The following TMEM39A variants were observed in gnomAD, a reference collection of about 807,000 sequenced individuals.
TMEM39A encodes the protein transmembrane protein 39A.
TMEM39A carries 19 observed loss-of-function variants against 51.9 expected under a neutral mutation model. The ratio of observed to expected loss-of-function variants is 0.37; its 90% CI spans 0.26 to 0.54. The LOEUF is 0.54. TMEM39A is among the 20% of genes least tolerant of loss of function. The pLI, the probability that TMEM39A is intolerant of heterozygous loss-of-function variation, is 0.88. For missense variants in TMEM39A, 433 were observed against 590.5 expected, an observed-to-expected ratio of 0.73 and a Z score of 2.76; for synonymous variants, 197 against 220.2, an observed-to-expected ratio of 0.89 and a Z score of 0.93.
intron 3 of TMEM39A, among the ~76,000 whole-genome samples, chr3:119,453,975 TGA>T (rs1433709370): frequency 1.3e-5 from 2 of 152,178 alleles, no homozygotes; most frequent in Non-Finnish European, 2.9e-5. Flanking sequence ...AGGCTATCTC[TGA>T]GAGGATGGCA....
In TMEM39A at chr3:119,437,845, T is replaced by C; in HGVS notation, c.834A>G (p.Lys278=). The C allele has an allele frequency of 6.2e-7, 1 of 1,610,374 alleles. No individual in the cohort carries two copies. The highest frequency in any genetic ancestry group is 8.5e-7 in the Non-Finnish European group (1 of 1,176,814). Residue 278 remains lysine (K), a synonymous_variant, in exon 6 of 9, where the codon AAA becomes AAG. Coordinates refer to ENST00000319172, the MANE Select transcript of TMEM39A (RefSeq NM_018266.3). ...DLIRNEVECL[K]ADFNHRIKEV... is the part of the protein sequence containing the mutation. ...CCTTGATTCTGTGGTTGAAATCTGC[T>C]TTCAGACATTCTACTTCATTGCGAA...
At position 119,431,371 on chromosome 3, in the gene TMEM39A, T is replaced by G. The variant is rs1014743939; in HGVS notation, c.*610A>C. On this transcript the variant is annotated 3_prime_UTR_variant, in exon 9 of 9. Transcript: ENST00000319172. ...CACAGGAAAAGTGGCAGCAAAACCC[T>G]CAGCCTCAGGATAGTAGCTTATTCA... 6.6e-6 allele frequency: 1 copy of G among 152,186 alleles called. No individual in the cohort carries two copies. The highest frequency in any genetic ancestry group is 2.4e-5 in the African/African-American group (1 of 41,442). 9.4% of individuals were successfully genotyped at this position (152,186 alleles called of 1,614,324 possible).
intron 3 of TMEM39A, among the ~76,000 whole-genome samples, chr3:119,453,228 A>G (rs1260629677): frequency 6.6e-6 from 1 of 152,214 alleles, no homozygotes; most frequent in Non-Finnish European, 1.5e-5. Flanking sequence ...GGTTTCCACA[A>G]TTCCTTCCAG....
At chr3:119,445,445 A>T (rs1392537410) in intron 5 of TMEM39A, among the ~76,000 whole-genome samples, 3 of 152,102 alleles carry the variant, frequency 2.0e-5, no homozygotes, top group Admixed American at 2.0e-4. Context: ...TTTTATTTTT[A>T]GTAGAGACGG....
chr3:119,457,441 G>A (rs1414071440), intron 3 of TMEM39A, among the ~76,000 whole-genome samples: 1 of 152,176 alleles, frequency 6.6e-6, no homozygotes, highest in Non-Finnish European at 1.5e-5. Flanking sequence ...TTGTAATTAG[G>A]AGTGGACATG....
At position 119,438,024 on chromosome 3, in the gene TMEM39A, C is replaced by T. The variant is rs2080997807; in HGVS notation, c.655G>A (p.Val219Ile). ...HLLLTDYNYV[V>I]QHEAVEESAS... ...CTTTCCTCTACTGCCTCGTGCTGAACCACATAGTTGTAGTCTGTGAGAAGA... is the reference window on the plus strand; with the variant it reads ...CTTTCCTCTACTGCCTCGTGCTGAATCACATAGTTGTAGTCTGTGAGAAGA... The change falls in exon 6 of 9, where the codon GTT (valine) becomes ATT (isoleucine). Residue 219 changes from valine (V) to isoleucine (I), a missense_variant. Physicochemically the swap from Val to Ile is conservative, Grantham distance 29 (BLOSUM62 3). Coordinates refer to ENST00000319172, the MANE Select transcript of TMEM39A (RefSeq NM_018266.3). 2 of 1,613,876 alleles carry T rather than the reference C, an allele frequency of 1.2e-6. No individual in the cohort carries two copies. The highest frequency in any genetic ancestry group is 3.3e-5 in the Admixed American group (2 of 59,994).
At chr3:119,449,444 G>C (rs753175520) in intron 4 of TMEM39A, among the ~76,000 whole-genome samples, 1 of 151,956 alleles carries the variant, frequency 6.6e-6, no homozygotes, top group Non-Finnish European at 1.5e-5. Context: ...CATGGTGGTG[G>C]GCGCCTGTAA....
chr3:119,436,650 G>C (rs1181939457), intron 7 of TMEM39A, 141 bp downstream of exon 7: 3 of 877,080 alleles, frequency 3.4e-6, no homozygotes, highest in Non-Finnish European at 5.3e-6. Flanking sequence ...ATTCAGTTTA[G>C]CATGATGACA....
Position 119,434,769 on chromosome 3 carries a change from C to T in TMEM39A, c.1226G>A (p.Arg409His), listed in dbSNP as rs766081827. Residue 409 changes from arginine (R) to histidine (H), a missense_variant, in exon 8 of 9, where the codon CGC becomes CAC. By Grantham distance (29) the Arg-to-His change is conservative (BLOSUM62 0). Transcript: ENST00000319172. ...VAVPSDVSHA[R>H]FYFLFHRPLR... ...TAAATAAGCGGTACTTGCATAAAAG[C>T]GGGCATGAGATACATCTGAAGGCAC... 5.0e-6 allele frequency: 8 copies of T among 1,613,430 alleles called. No individual in the cohort carries two copies. The highest frequency in any genetic ancestry group is 1.3e-5 in the African/African-American group (1 of 74,998).
In TMEM39A at chr3:119,447,020, G is replaced by A. The variant is rs367680797; in HGVS notation, c.573C>T (p.Tyr191=). 3.1e-6 allele frequency: 5 copies of A among 1,613,420 alleles called. No individual in the cohort carries two copies. The highest frequency in any genetic ancestry group is 1.3e-5 in the African/African-American group (1 of 74,888). ...HSVLNLLFLG[Y]PFGVYVPLCC... is the part of the protein sequence containing the mutation. ...CATGGTAAAACTGGAGTACTCACGG[G>A]TAGCCAAGGAAAAGGAGATTGAGGA... The change falls in exon 5 of 9, where the codon TAC becomes TAT. Residue 191 remains tyrosine (Y), a splice_region_variant and synonymous_variant. Coordinates refer to ENST00000319172, the MANE Select transcript of TMEM39A (RefSeq NM_018266.3).
intron 5 of TMEM39A, among the ~76,000 whole-genome samples, chr3:119,438,610 T>C (rs1179317309): frequency 6.6e-6 from 1 of 152,218 alleles, no homozygotes; most frequent in Non-Finnish European, 1.5e-5. Flanking sequence ...AGTATTCTCA[T>C]ATAGAAATAC....
chr3:119,457,992 G>C (rs757314965), intron 3 of TMEM39A, 26 bp downstream of exon 3: 13 of 1,549,138 alleles, frequency 8.4e-6, no homozygotes, highest in Non-Finnish European at 1.2e-5. Context: ...GTAACATGAA[G>C]AACTTAAAGT....
chr3:119,429,026 G>A lies in TMEM39A; in HGVS notation c.*2955C>T, dbSNP rs1018905401. 3.9e-5 allele frequency among the ~76,000 whole-genome samples: 6 copies of A among 151,986 alleles called. No homozygotes were observed. Among genetic ancestry groups the A allele is most frequent in the South Asian group, 2.1e-4 (1 of 4,820 alleles). ...TGTTAATAGATCTGATATCTATTAC[G>A]TATCTCATACATATTTCTGTTAATG... is the stretch of plus-strand genomic sequence containing the variant. On this transcript the variant is annotated 3_prime_UTR_variant, in exon 9 of 9. Coordinates refer to ENST00000319172, the MANE Select transcript of TMEM39A (RefSeq NM_018266.3).
intron 5 of TMEM39A, among the ~76,000 whole-genome samples, chr3:119,443,817 C>T (rs898973893): frequency 6.6e-6 from 1 of 151,870 alleles, no homozygotes; most frequent in Admixed American, 6.5e-5. Flanking sequence ...CCTAGGATTG[C>T]TTGAGCAATC....
Position 119,429,252 on chromosome 3 carries a change from G to A in TMEM39A, c.*2729C>T, listed in dbSNP as rs2080870229. Among the ~76,000 whole-genome samples the A allele has an allele frequency of 6.6e-6, 1 of 151,906 alleles. No individual in the cohort carries two copies. Among genetic ancestry groups the A allele is most frequent in the Non-Finnish European group, 1.5e-5 (1 of 67,920 alleles). ...CGGCACAACAGGTGGCAGTGGTGGT[G>A]ACTGATAGGGACAGGAAGGAAAGGA... On this transcript the variant is annotated 3_prime_UTR_variant, in exon 9 of 9. Coordinates refer to ENST00000319172, the MANE Select transcript of TMEM39A (RefSeq NM_018266.3).
chr3:119,448,782 A>G (rs1006978000), intron 4 of TMEM39A, among the ~76,000 whole-genome samples: 1 of 108,864 alleles, frequency 9.2e-6, no homozygotes, highest in African/African-American at 2.6e-5. Context: ...TTAGAAATAA[A>G]AAAGACTATT....
At chr3:119,447,219 T>C (rs769529874) in intron 4 of TMEM39A, 47 bp from the exon 5 acceptor site, 22 of 1,579,226 alleles carry the variant, frequency 1.4e-5, no homozygotes, top group African/African-American at 1.4e-5. Flanking sequence ...AATGATCTTC[T>C]TCAAAAGCAT....
At chr3:119,453,493 C>A (rs2081225446) in intron 3 of TMEM39A, among the ~76,000 whole-genome samples, 1 of 152,214 alleles carries the variant, frequency 6.6e-6, no homozygotes. Flanking sequence ...CATTTTCCAG[C>A]CTCCCTTGCA....
chr3:119,454,293 CA>C (rs1475572625), intron 3 of TMEM39A, among the ~76,000 whole-genome samples: 1 of 152,174 alleles, frequency 6.6e-6, no homozygotes, highest in African/African-American at 2.4e-5. Context: ...GCCAGAATGT[CA>C]AGAGTGGCTT....
Sources: allele counts gnomAD v4.1 joint callset (sites outside exome capture counted in the v4.1 genomes callset), GRCh38; gene constraint gnomAD v4.1.1; transcripts MANE v1.5; gene names NCBI Gene and HGNC (gene_info 2026-07-23, HGNC 2026-07-21).